The following TYW1B variants were observed in gnomAD, a reference collection of about 807,000 sequenced individuals.
TYW1B encodes the protein tRNA-yW synthesizing protein 1 homolog B, also known as S-adenosyl-L-methionine-dependent tRNA 4-demethylwyosine synthase TYW1B.
A neutral mutation model predicts 86.9 loss-of-function variants in TYW1B; 73 were observed. The observed-to-expected ratio is 0.84, with a 90% CI of 0.70 to 1.02. The LOEUF (loss-of-function observed/expected upper bound fraction) is 1.02. Ranked by LOEUF, TYW1B falls within the 50% of genes least tolerant of loss-of-function variation. The probability of loss-of-function intolerance (pLI) is 0.00; values close to 1 mark genes in which losing one functional copy is unlikely to be tolerated. For missense variants in TYW1B, 637 were observed against 827.4 expected (o/e 0.77, Z 2.82); for synonymous variants, 248 against 292.8 (o/e 0.85, Z 1.56).
chr7:72,807,994 G>A (rs1222160543), intron 4 of TYW1B, among the ~76,000 whole-genome samples: 2 of 151,808 alleles, frequency 1.3e-5, no homozygotes, highest in Admixed American at 6.6e-5. Context: ...ATTGTTTGAG[G>A]CCAGGAGTTC....
intron 6 of TYW1B, among the ~76,000 whole-genome samples, chr7:72,786,491 T>A (rs573347672): frequency 1.3e-5 from 2 of 151,892 alleles, no homozygotes; most frequent in Admixed American, 1.3e-4. Flanking sequence ...GGCCATAAGA[T>A]GAAAAAGCAA....
chr7:72,781,460 C>A (rs1265601458), intron 6 of TYW1B, among the ~76,000 whole-genome samples: 1 of 152,090 alleles, frequency 6.6e-6, no homozygotes, highest in African/African-American at 2.4e-5. Context: ...AAAACCTGCC[C>A]CAGCCTCCAG....
At chr7:72,727,382 C>T (rs1787019671) in intron 9 of TYW1B, among the ~76,000 whole-genome samples, 1 of 152,088 alleles carries the variant, frequency 6.6e-6, no homozygotes, top group African/African-American at 2.4e-5. Flanking sequence ...TAGGTAGAGA[C>T]CAGAGCATAC....
chr7:72,809,016 C>T (rs1788548047), intron 4 of TYW1B, among the ~76,000 whole-genome samples: 1 of 150,872 alleles, frequency 6.6e-6, no homozygotes, highest in Admixed American at 6.7e-5. Flanking sequence ...TAATTTTTTC[C>T]TCCATTTCCC....
At chr7:72,764,066 AT>A (rs1239899087) in intron 7 of TYW1B, among the ~76,000 whole-genome samples, 4 of 149,500 alleles carry the variant, frequency 2.7e-5, no homozygotes, top group Non-Finnish European at 5.9e-5. Flanking sequence ...ATTATATGAA[AT>A]TTATAGAAGT....
At chr7:72,653,748 A>G (rs1158398122) in intron 11 of TYW1B, among the ~76,000 whole-genome samples, 3 of 151,928 alleles carry the variant, frequency 2.0e-5, no homozygotes, top group African/African-American at 7.3e-5. Flanking sequence ...TCAATTGACA[A>G]TGAAAAGCAT....
At chr7:72,740,907 T>A (rs6963289) in intron 8 of TYW1B, among the ~76,000 whole-genome samples, 104,502 of 151,368 alleles carry the variant, frequency 0.69, 37,035 homozygotes, top group Non-Finnish European at 0.77. Flanking sequence ...ATTTTTTGTA[T>A]TTTTAGTAGA....
At chr7:72,757,082 T>C (rs1440328622) in intron 7 of TYW1B, among the ~76,000 whole-genome samples, 1 of 151,868 alleles carries the variant, frequency 6.6e-6, no homozygotes, top group Non-Finnish European at 1.5e-5. Flanking sequence ...CATATAACAA[T>C]GTCGGCCAGG....
chr7:72,784,230 C>T (rs1242188636), intron 6 of TYW1B, among the ~76,000 whole-genome samples: 5 of 151,996 alleles, frequency 3.3e-5, no homozygotes, highest in African/African-American at 7.2e-5. Context: ...AATTATCAGG[C>T]TCCTCCTGAC....
intron 11 of TYW1B, among the ~76,000 whole-genome samples, chr7:72,632,479 TATATATACAC>T (rs1361072891): frequency 1.5e-4 from 18 of 121,800 alleles, no homozygotes; most frequent in African/African-American, 5.1e-4. Flanking sequence ...ATATAAAATA[TATATATACAC>T]ATATATACAT....
intron 13 of TYW1B, among the ~76,000 whole-genome samples, chr7:72,587,745 G>A (rs1474959964): frequency 6.6e-6 from 1 of 152,176 alleles, no homozygotes; most frequent in Non-Finnish European, 1.5e-5. Flanking sequence ...AACGCCATCG[G>A]GTCCCTAGCA....
intron 13 of TYW1B, among the ~76,000 whole-genome samples, chr7:72,593,301 GA>G (rs1554431898): frequency 8.6e-6 from 1 of 116,242 alleles, no homozygotes; most frequent in Non-Finnish European, 1.7e-5. Flanking sequence ...CTCAAAAAAA[GA>G]AAAAGAAAGA....
intron 12 of TYW1B, among the ~76,000 whole-genome samples, chr7:72,624,112 A>C (rs1415069912): frequency 6.6e-6 from 1 of 152,148 alleles, no homozygotes; most frequent in Admixed American, 6.6e-5. Flanking sequence ...ATGATTTTAA[A>C]AACTCCTCTA....
rs1243493280 is a variant in TYW1B at position 72,809,258 on chromosome 7, T to C, written c.432+1213A>G. ...CAGGGTTTCACCATGTTAGCCACGA[T>C]GATCTCGATCTCCTGACCTCGTGAT... On this transcript the variant is annotated intron_variant, in intron 4 of 13. Transcript: ENST00000620995. Among the ~76,000 whole-genome samples, 3 of 151,914 alleles carry C rather than the reference T, an allele frequency of 2.0e-5. No individual in the cohort carries two copies. The East Asian group carries it at 5.8e-4, about 30-fold the overall frequency.
chr7:72,741,897 C>A (rs1300365082), intron 8 of TYW1B, among the ~76,000 whole-genome samples: 2 of 152,106 alleles, frequency 1.3e-5, no homozygotes, highest in East Asian at 3.9e-4. Context: ...CAAAACAATT[C>A]TTCAAAACTG....
chr7:72,774,159 G>A (rs1787913357), intron 7 of TYW1B, among the ~76,000 whole-genome samples: 2 of 151,802 alleles, frequency 1.3e-5, no homozygotes, highest in African/African-American at 4.8e-5. Flanking sequence ...TGGGGGTAAT[G>A]CCTGATGCTT....
rs536003690 is a variant in TYW1B, at chr7:72,599,235, A to C, written c.1785+17437T>G. Among the ~76,000 whole-genome samples, 4 of 152,386 alleles carry C rather than the reference A, an allele frequency of 2.6e-5. No homozygotes were observed. The South Asian group carries it at 8.3e-4, about 32-fold the overall frequency. On this transcript the variant is annotated intron_variant, in intron 13 of 13. Coordinates refer to ENST00000620995, the MANE Select transcript of TYW1B (RefSeq NM_001145440.3). The stretch of plus-strand genomic sequence containing the variant: ...GGTATGGAAGACTGGTTCAACATTC[A>C]AAAATCAATTAATGTAATCCATCAT...
chr7:72,711,739 A>T (rs1786672952), intron 10 of TYW1B, among the ~76,000 whole-genome samples: 1 of 151,842 alleles, frequency 6.6e-6, no homozygotes, highest in Non-Finnish European at 1.5e-5. Context: ...CGCCCGTCTC[A>T]GCCTCCCAAA....
chr7:72,747,377 A>G (rs1554464038), intron 7 of TYW1B, among the ~76,000 whole-genome samples: 2 of 152,188 alleles, frequency 1.3e-5, no homozygotes, highest in African/African-American at 4.8e-5. Flanking sequence ...GTGAAACTGT[A>G]AGTCCAACTG....
Sources: allele counts gnomAD v4.1 joint callset (sites outside exome capture counted in the v4.1 genomes callset), GRCh38; gene constraint gnomAD v4.1.1; transcripts MANE v1.5; gene names NCBI Gene and HGNC (gene_info 2026-07-23, HGNC 2026-07-21).